Variants in BRIP1 observed in about 807,000 individuals in gnomAD.
The protein encoded by BRIP1 is BRCA1 interacting DNA helicase 1, also known as Fanconi anemia group J protein.
A neutral mutation model predicts 119.7 loss-of-function variants in BRIP1; 88 were observed. The observed-to-expected ratio is 0.74, with a 90% CI of 0.62 to 0.88. The LOEUF is 0.88. Ranked by LOEUF, BRIP1 falls within the 40% of genes least tolerant of loss-of-function variation. The pLI, the probability that BRIP1 is intolerant of heterozygous loss-of-function variation, is 0.00. For synonymous variants in BRIP1, 443 were observed against 496.5 expected, an observed-to-expected ratio of 0.89 and a Z score of 1.43; for missense variants, 1,259 against 1,455.4, an observed-to-expected ratio of 0.87 and a Z score of 2.20.
rs1447527174 is a variant in BRIP1 at position 61,846,074 on chromosome 17, C to T, written c.627+1027G>A. 1.3e-5 allele frequency among the ~76,000 whole-genome samples: 2 copies of T among 151,612 alleles called. No homozygotes were observed. Among genetic ancestry groups the T allele is most frequent in the Non-Finnish European group, 2.9e-5 (2 of 67,924 alleles). On this transcript the variant is annotated intron_variant, in intron 6 of 19. Transcript: ENST00000259008. The surrounding 1 kb of genome is among the most constrained non-coding windows in gnomAD (Gnocchi z 4.3). ...GCAGGCGCCTGTAGTCCCAACTACT[C>T]GGGAGGTTGAGGCAGGAGAATGGCA...
In BRIP1 at chr17:61,682,567, G is replaced by A. The variant is rs137967725; in HGVS notation, c.*729C>T. 3.6e-3 allele frequency: 696 copies of A among 195,192 alleles called. 4 individuals carry two copies. Among genetic ancestry groups the A allele is most frequent in the African/African-American group, 0.015 (649 of 43,274 alleles). The allele number at this position is 195,192 out of a possible 1,614,324, so 12.1% of individuals were successfully genotyped here. The stretch of plus-strand genomic sequence containing the variant: ...ACTTATAAGTAGGCAGTTTAATAAC[G>A]AAATAAACCTTTCAAGACAAATGGT... On this transcript the variant is annotated 3_prime_UTR_variant, in exon 20 of 20. Coordinates refer to ENST00000259008, the MANE Select transcript of BRIP1 (RefSeq NM_032043.3). This position sits in a 1 kb window ranked among gnomAD's most constrained non-coding sequence, Gnocchi z 4.9.
Position 61,683,962 on chromosome 17 carries a change from A to G in BRIP1, c.3084T>C (p.Asn1028=), listed in dbSNP as rs1424179519. The part of the protein sequence containing the change: ...KATPELGSSE[N]SASSPPRFKT... ...TGAAACGGGGAGGACTAGAGGCACT[A>G]TTCTCTGATGACCCGAGCTCAGGTG... The change falls in exon 20 of 20, where the codon AAT becomes AAC. Residue 1028 remains asparagine (N), a synonymous_variant. Transcript: ENST00000259008. This position sits in a 1 kb window ranked among gnomAD's most constrained non-coding sequence, Gnocchi z 4.7. 1.8e-5 allele frequency: 29 copies of G among 1,614,190 alleles called. No individual in the cohort carries two copies. Among genetic ancestry groups the G allele is most frequent in the Non-Finnish European group, 2.4e-5 (28 of 1,180,030 alleles).
In BRIP1 at chr17:61,776,749, G is replaced by A. The variant is rs1437832452; in HGVS notation, c.1936-187C>T. 3.9e-5 allele frequency among the ~76,000 whole-genome samples: 6 copies of A among 152,108 alleles called. No homozygotes were observed. The highest frequency in any genetic ancestry group is 1.2e-4 in the African/African-American group (5 of 41,412). On this transcript the variant is annotated intron_variant, in intron 13 of 19. Coordinates refer to ENST00000259008, the MANE Select transcript of BRIP1 (RefSeq NM_032043.3). The surrounding 1 kb of genome is among the most constrained non-coding windows in gnomAD (Gnocchi z 5.0). ...TTAATTTATAAATGTTTTGCTTTAG[G>A]CAGATCACTAAATTCTCTTAGAGTG...
At position 61,797,368 on chromosome 17, in the gene BRIP1, C is replaced by T. The variant is rs142649423; in HGVS notation, c.1340+1732G>A. Reference sequence around the variant, plus strand: ...TGTCACAGAAGCTAAGACAAAAATGCTTTTCAAAGAGGTAGTCATCAACTA... The same window carrying T: ...TGTCACAGAAGCTAAGACAAAAATGTTTTTCAAAGAGGTAGTCATCAACTA... On this transcript the variant is annotated intron_variant, in intron 9 of 19. Transcript: ENST00000259008. 2.8e-3 allele frequency among the ~76,000 whole-genome samples: 421 copies of T among 151,950 alleles called. 1 individual carries two copies. The highest frequency in any genetic ancestry group is 4.7e-3 in the Non-Finnish European group (318 of 67,860).
chr17:61,727,410 C>G (rs547532221), intron 16 of BRIP1, among the ~76,000 whole-genome samples: 2 of 152,080 alleles, frequency 1.3e-5, no homozygotes, highest in Admixed American at 1.3e-4. Flanking sequence ...ACTTTATTAC[C>G]ACCACAGTCC....
At position 61,683,962 on chromosome 17, in the gene BRIP1, A is replaced by C. The variant is rs1424179519; in HGVS notation, c.3084T>G (p.Asn1028Lys). The C allele has an allele frequency of 6.2e-7, 1 of 1,614,190 alleles. No homozygotes were observed. Residue 1028 changes from asparagine (N) to lysine (K), a missense_variant, in exon 20 of 20, where the codon AAT becomes AAG. Asn to Lys is a moderately conservative substitution (Grantham distance 94). Around this residue, in one of 3 missense-constraint regions of BRIP1, gnomAD observed 753 missense variants for 891.8 expected, o/e 0.84. Coordinates refer to ENST00000259008, the MANE Select transcript of BRIP1 (RefSeq NM_032043.3). The surrounding 1 kb of genome is among the most constrained non-coding windows in gnomAD (Gnocchi z 4.7). ...TGAAACGGGGAGGACTAGAGGCACT[A>C]TTCTCTGATGACCCGAGCTCAGGTG... ...KATPELGSSE[N>K]SASSPPRFKT...
rs568943880 is a variant in BRIP1, at chr17:61,849,342, G to A, written c.380-86C>T. 63 of 1,155,474 alleles carry A rather than the reference G, an allele frequency of 5.5e-5. 1 individual carries two copies. In the South Asian group the frequency reaches 8.2e-4, roughly 15 times the overall value. 71.6% of individuals were successfully genotyped at this position (1,155,474 alleles called of 1,614,324 possible). Reference sequence around the variant, plus strand: ...AAGAAAACTGGAACCAGGATGTAAGGCTTATTTCTAGAAATTTCATACCAT... The same window carrying A: ...AAGAAAACTGGAACCAGGATGTAAGACTTATTTCTAGAAATTTCATACCAT... On this transcript the variant is annotated intron_variant, in intron 4 of 19. Coordinates refer to ENST00000259008, the MANE Select transcript of BRIP1 (RefSeq NM_032043.3).
rs1345721169 is a variant in BRIP1, at chr17:61,684,544, A to G, written c.2906-404T>C. Among the ~76,000 whole-genome samples, 1 of 152,200 alleles carries G rather than the reference A, an allele frequency of 6.6e-6. No individual in the cohort carries two copies. Among genetic ancestry groups the G allele is most frequent in the African/African-American group, 2.4e-5 (1 of 41,452 alleles). On this transcript the variant is annotated intron_variant, in intron 19 of 19. Transcript: ENST00000259008. This position sits in a 1 kb window ranked among gnomAD's most constrained non-coding sequence, Gnocchi z 4.5. ...ATTCTTTTATTTAATAAATAAGGAAAGTGACATAAGGCTAAGTTATTTGCT... is the reference window on the plus strand; with the variant it reads ...ATTCTTTTATTTAATAAATAAGGAAGGTGACATAAGGCTAAGTTATTTGCT...
intron 6 of BRIP1, among the ~76,000 whole-genome samples, chr17:61,819,880 A>G (rs2078295073): frequency 6.6e-6 from 1 of 152,204 alleles, no homozygotes; most frequent in Non-Finnish European, 1.5e-5. Context: ...AACTAAGAGT[A>G]TAATTGGATT....
At chr17:61,715,156 C>T (rs937815306) in intron 17 of BRIP1, among the ~76,000 whole-genome samples, 7 of 151,220 alleles carry the variant, frequency 4.6e-5, no homozygotes, top group African/African-American at 4.8e-5. Flanking sequence ...GCCGATATCA[C>T]GCCACTGCAC....
rs551726647 is a variant in BRIP1 at position 61,862,927 on chromosome 17, G to T, written c.-31+357C>A. ...ATGGTGGAATCTAACCTCTTAATAT[G>T]AATCAACAACTCAACGCTGGCCTAG... is the stretch of plus-strand genomic sequence containing the variant. On this transcript the variant is annotated intron_variant, in intron 1 of 19. Transcript: ENST00000259008. The surrounding 1 kb of genome is among the most constrained non-coding windows in gnomAD (Gnocchi z 5.3). 3.4e-4 allele frequency among the ~76,000 whole-genome samples: 52 copies of T among 152,194 alleles called. No homozygotes were observed. The highest frequency in any genetic ancestry group is 1.3e-3 in the African/African-American group (52 of 41,512).
At chr17:61,811,368 C>T (rs1247065620) in intron 6 of BRIP1, among the ~76,000 whole-genome samples, 3 of 151,754 alleles carry the variant, frequency 2.0e-5, no homozygotes, top group Non-Finnish European at 2.9e-5. Context: ...CGATTACAGG[C>T]GTCCACCACC....
Position 61,708,237 on chromosome 17 carries a change from T to A in BRIP1, c.2492+7714A>T, listed in dbSNP as rs1383173416. Reference sequence around the variant, plus strand: ...ACGGTCAAATGTAGTCCAAAAATATTAAATGGAAAATTCCAGAAATAATTC... The same window carrying A: ...ACGGTCAAATGTAGTCCAAAAATATAAAATGGAAAATTCCAGAAATAATTC... On this transcript the variant is annotated intron_variant, in intron 17 of 19. Transcript: ENST00000259008. The surrounding 1 kb of genome is among the most constrained non-coding windows in gnomAD (Gnocchi z 4.4). Among the ~76,000 whole-genome samples the A allele has an allele frequency of 1.3e-5, 2 of 151,476 alleles. No homozygotes were observed. Among genetic ancestry groups the A allele is most frequent in the Admixed American group, 6.6e-5 (1 of 15,166 alleles).
intron 4 of BRIP1, among the ~76,000 whole-genome samples, chr17:61,854,431 G>T (rs963129638): frequency 6.6e-6 from 1 of 152,094 alleles, no homozygotes; most frequent in African/African-American, 2.4e-5. Flanking sequence ...AGTTGGCCAG[G>T]CACGGTGGCT....
chr17:61,717,328 G>A lies in BRIP1; in HGVS notation c.2380-1265C>T, dbSNP rs369648440. ...TTTACCCACAGATTTACCATTTCTG[G>A]CACTCTTCATTTTCTCACGTAGATT... On this transcript the variant is annotated intron_variant, in intron 16 of 19. Coordinates refer to ENST00000259008, the MANE Select transcript of BRIP1 (RefSeq NM_032043.3). The surrounding 1 kb of genome is among the most constrained non-coding windows in gnomAD (Gnocchi z 4.1). Among the ~76,000 whole-genome samples the A allele has an allele frequency of 4.1e-4, 62 of 151,908 alleles. 1 individual carries two copies. In the South Asian group the frequency reaches 0.012, roughly 29 times the overall value.
Position 61,793,578 on chromosome 17 carries a change from G to A in BRIP1, c.1473+19C>T, listed in dbSNP as rs201603389. ...TCTAATTCACTAAATACGTTTCACA[G>A]GTAGAAAAAATATCTTACCTGCAAA... is the stretch of plus-strand genomic sequence containing the variant. On this transcript the variant is annotated intron_variant, in intron 10 of 19. Coordinates refer to ENST00000259008, the MANE Select transcript of BRIP1 (RefSeq NM_032043.3). The surrounding 1 kb of genome is among the most constrained non-coding windows in gnomAD (Gnocchi z 5.2). The A allele has an allele frequency of 6.3e-6, 10 of 1,594,514 alleles. No homozygotes were observed. The highest frequency in any genetic ancestry group is 1.3e-5 in the African/African-American group (1 of 74,698).
rs1434852812 is a variant in BRIP1 at position 61,857,386 on chromosome 17, G to A, written c.206-155C>T. Among the ~76,000 whole-genome samples the A allele has an allele frequency of 6.6e-6, 1 of 152,162 alleles. No homozygotes were observed. Among genetic ancestry groups the A allele is most frequent in the Non-Finnish European group, 1.5e-5 (1 of 68,026 alleles). ...GTACCTGGCAAACCTGGACAAGCTG[G>A]TCACTTTATCTGCAGCATCAAATTA... On this transcript the variant is annotated intron_variant, in intron 3 of 19. Coordinates refer to ENST00000259008, the MANE Select transcript of BRIP1 (RefSeq NM_032043.3). The surrounding 1 kb of genome is among the most constrained non-coding windows in gnomAD (Gnocchi z 5.1).
chr17:61,854,892 T>C (rs1403664057), intron 4 of BRIP1, among the ~76,000 whole-genome samples: 1 of 151,960 alleles, frequency 6.6e-6, no homozygotes, highest in African/African-American at 2.4e-5. Context: ...AAACAGCCAA[T>C]AACCAATTTG....
intron 6 of BRIP1, among the ~76,000 whole-genome samples, chr17:61,813,647 G>A (rs372305931): frequency 1.6e-4 from 25 of 152,160 alleles, no homozygotes; most frequent in African/African-American, 5.5e-4. Flanking sequence ...TATTTTAGTC[G>A]TGACAAACAT....
Sources: allele counts gnomAD v4.1 joint callset (sites outside exome capture counted in the v4.1 genomes callset), GRCh38; gene constraint gnomAD v4.1.1; regional missense constraint gnomAD v4.1.1; non-coding constraint Gnocchi (gnomAD v3.1); transcripts MANE v1.5; gene names NCBI Gene and HGNC (gene_info 2026-07-23, HGNC 2026-07-21).